The following LRP1 variants were observed in gnomAD, a reference collection of about 807,000 sequenced individuals.
LRP1 encodes the protein prolow-density lipoprotein receptor-related protein 1.
A neutral mutation model predicts 541.5 loss-of-function variants in LRP1; 51 were observed. The ratio of observed to expected loss-of-function variants is 0.09; its 90% CI spans 0.08 to 0.12. LRP1 has a LOEUF of 0.12. Among genes scored for constraint, LRP1 ranks in the 10% least tolerant of loss-of-function variants. LRP1 has a pLI of 1.00. For synonymous variants in LRP1, 2,219 were observed against 2,470.8 expected, an observed-to-expected ratio of 0.90 and a Z score of 3.02; for missense variants, 3,878 against 6,376.2, an observed-to-expected ratio of 0.61 and a Z score of 13.34.
rs559062266 is a variant in LRP1, at chr12:57,149,341, CA to C, written c.841+3852del. On this transcript the variant is annotated intron_variant, in intron 6 of 88. Transcript: ENST00000243077. ...TGTTCTGAGTTTCCTAATCATTTAA[CA>C]GCTCACTCTTGCTCCTCCTCTCTCC... The C allele has an allele frequency of 7.6e-4, 348 of 455,884 alleles. 2 individuals are homozygous for C. The highest frequency in any genetic ancestry group is 6.2e-3 in the Middle Eastern group (11 of 1,776). 28.2% of individuals were successfully genotyped at this position (455,884 alleles called of 1,614,324 possible). A position where few individuals can be genotyped will look rare whatever the true frequency, so the allele number is the denominator to read the frequency against.
intron 41 of LRP1, 132 bp downstream of exon 41, chr12:57,186,040 C>CGGGGGTGCAGTTGG: frequency 1.9e-6 from 2 of 1,055,348 alleles, no homozygotes; most frequent in Non-Finnish European, 2.7e-6. Flanking sequence ...AATCCAACTG[C>CGGGGGTGCAGTTGG]ACCCCCGCAG....
chr12:57,202,396 C>T (rs948414881), intron 67 of LRP1, 25 bp from the exon 68 acceptor site: 8 of 1,557,050 alleles, frequency 5.1e-6, no homozygotes, highest in East Asian at 2.2e-5. Context: ...CTTTCCCTGA[C>T]TGCCCTGACA....
intron 20 of LRP1, among the ~76,000 whole-genome samples, chr12:57,172,857 A>G (rs1205500120): frequency 2.6e-5 from 4 of 152,202 alleles, no homozygotes; most frequent in Non-Finnish European, 4.4e-5. Context: ...TGTGGCATGA[A>G]TGAATGAAAT....
At chr12:57,166,324 G>A in intron 17 of LRP1, 115 bp downstream of exon 17, 1 of 1,362,228 alleles carries the variant, frequency 7.3e-7, no homozygotes, top group Non-Finnish European at 9.8e-7. Context: ...GGAGGCCAAG[G>A]TGAGAGGATC....
chr12:57,203,114 TG>T, intron 68 of LRP1, 66 bp from the exon 69 acceptor site: 1 of 1,157,892 alleles, frequency 8.6e-7, no homozygotes, highest in Non-Finnish European at 1.2e-6. Context: ...CTCGGGACTG[TG>T]GCACTACTGA....
intron 42 of LRP1, among the ~76,000 whole-genome samples, 175 bp from the exon 43 acceptor site, chr12:57,190,630 G>C (rs1347265131): frequency 6.6e-6 from 1 of 152,266 alleles, no homozygotes; most frequent in Non-Finnish European, 1.5e-5. Flanking sequence ...TGTGTGAACT[G>C]TCTGTGCAAT....
At chr12:57,203,556 C>G in intron 70 of LRP1, 35 bp downstream of exon 70, 1 of 1,473,970 alleles carries the variant, frequency 6.8e-7, no homozygotes, top group Non-Finnish European at 9.0e-7. Context: ...TGGGTCCTCC[C>G]TCTGCTGCCC....
chr12:57,179,945 C>T lies in LRP1; in HGVS notation c.5130C>T (p.His1710=), dbSNP rs34794899. ...GLEQPHGLVV[H]PLRGKLYWTD... ...AGCAGCCCCATGGCCTTGTCGTCCA[C>T]CCTCTGCGTGGGTCAGTCTAGGGCC... The change falls in exon 30 of 89, where the codon CAC becomes CAT. Residue 1710 remains histidine (H), a synonymous_variant. Coordinates refer to ENST00000243077, the MANE Select transcript of LRP1 (RefSeq NM_002332.3). This position sits in a 1 kb window ranked among gnomAD's most constrained non-coding sequence, Gnocchi z 6.8. 357 of 1,614,078 alleles carry T rather than the reference C, an allele frequency of 2.2e-4. No homozygotes were observed. The African/African-American group carries it at 4.2e-3, about 19-fold the overall frequency.
intron 19 of LRP1, among the ~76,000 whole-genome samples, chr12:57,168,410 C>A (rs1485689979): frequency 6.6e-6 from 1 of 152,038 alleles, no homozygotes; most frequent in Non-Finnish European, 1.5e-5. Context: ...GAAGCAGAGA[C>A]GGCAGAGGGA....
In LRP1 at chr12:57,162,996, TG is replaced by T; in HGVS notation, c.2530+15del. 6.3e-7 allele frequency: 1 copy of T among 1,593,210 alleles called. No homozygotes were observed. The stretch of plus-strand genomic sequence containing the variant: ...GTCACTTGCTTGGGTATGAGGTGCC[TG>T]GCTGGGTGGGAGTGGGAAGCAGACC... On this transcript the variant is annotated intron_variant, in intron 15 of 88. Coordinates refer to ENST00000243077, the MANE Select transcript of LRP1 (RefSeq NM_002332.3). This position sits in a 1 kb window ranked among gnomAD's most constrained non-coding sequence, Gnocchi z 5.2.
At position 57,162,850 on chromosome 12, in the gene LRP1, C is replaced by T. The variant is rs1230594457; in HGVS notation, c.2405-8C>T. On this transcript the variant is annotated splice_polypyrimidine_tract_variant and splice_region_variant and intron_variant, in intron 14 of 88. Transcript: ENST00000243077. This position sits in a 1 kb window ranked among gnomAD's most constrained non-coding sequence, Gnocchi z 5.2. ...CCCTTTGCCTTTCCCCATGGCCCTT[C>T]CCCACAGTTGGCACCAACAAATGCC... 1.9e-6 allele frequency: 3 copies of T among 1,605,408 alleles called. No homozygotes were observed. Among genetic ancestry groups the T allele is most frequent in the Non-Finnish European group, 1.7e-6 (2 of 1,176,380 alleles).
rs1198048538 is a variant in LRP1 at position 57,181,996 on chromosome 12, T to C, written c.5662+705T>C. ...CTCTGAGTTGAACAAAGTTTAAAAG[T>C]GTTTTGTGCTGCAGAACTTCTCAGA... On this transcript the variant is annotated intron_variant, in intron 34 of 88. Transcript: ENST00000243077. Among the ~76,000 whole-genome samples the C allele has an allele frequency of 2.6e-5, 4 of 152,162 alleles. No homozygotes were observed. In the East Asian group the frequency reaches 7.7e-4, roughly 29 times the overall value.
At position 57,190,932 on chromosome 12, in the gene LRP1, C is replaced by G; in HGVS notation, c.7159C>G (p.Arg2387Gly). ...RTPNGLAIDHRAEKLYFSDAT... is the reference protein window; with the variant it reads ...RTPNGLAIDHGAEKLYFSDAT... ...CCCCAATGGCCTGGCCATCGACCACCGTGCCGAGAAGCTCTACTTCTCTGA... is the reference window on the plus strand; with the variant it reads ...CCCCAATGGCCTGGCCATCGACCACGGTGCCGAGAAGCTCTACTTCTCTGA... Residue 2387 changes from arginine (R) to glycine (G), a missense_variant, in exon 43 of 89, where the codon CGT becomes GGT. Transcript: ENST00000243077. 6.2e-7 allele frequency: 1 copy of G among 1,613,408 alleles called. No individual in the cohort carries two copies. Among genetic ancestry groups the G allele is most frequent in the Non-Finnish European group, 8.5e-7 (1 of 1,179,994 alleles).
rs758338596 is a variant in LRP1 at position 57,175,480 on chromosome 12, G to A, written c.3568G>A (p.Gly1190Ser). ...ELCDQCSLNNGGCSHNCSVAP... is the reference protein window; with the variant it reads ...ELCDQCSLNNSGCSHNCSVAP... Reference sequence around the variant, plus strand: ...CCTAGACCAGTGCTCTCTGAATAACGGTGGCTGCAGCCACAACTGCTCAGT... The same window carrying A: ...CCTAGACCAGTGCTCTCTGAATAACAGTGGCTGCAGCCACAACTGCTCAGT... Residue 1190 changes from glycine (G) to serine (S), a missense_variant, in exon 23 of 89, where the codon GGT (glycine) becomes AGT (serine). Coordinates refer to ENST00000243077, the MANE Select transcript of LRP1 (RefSeq NM_002332.3). 1.2e-5 allele frequency: 19 copies of A among 1,613,416 alleles called. No individual in the cohort carries two copies. The highest frequency in any genetic ancestry group is 1.6e-4 in the Middle Eastern group (1 of 6,084).
intron 20 of LRP1, among the ~76,000 whole-genome samples, chr12:57,172,310 C>T (rs1167359464): frequency 6.6e-6 from 1 of 152,174 alleles, no homozygotes; most frequent in East Asian, 1.9e-4. Context: ...GCTGGGACTA[C>T]AGGTGCCTGC....
intron 83 of LRP1, 121 bp downstream of exon 83, chr12:57,211,000 A>G: frequency 1.4e-6 from 2 of 1,433,822 alleles, no homozygotes; most frequent in Non-Finnish European, 1.9e-6. Flanking sequence ...AGAAGGCCTT[A>G]TGCAGCTGAG....
Position 57,210,060 on chromosome 12 carries a change from G to A in LRP1, c.12471G>A (p.Glu4157=). ...ACCCATGTGACCGCAAGAAATGCGA[G>A]TGGCTCTGCCTGCTGAGCCCCAGTG... is the stretch of plus-strand genomic sequence containing the variant. ...VTNPCDRKKC[E]WLCLLSPSGP... Residue 4157 remains glutamate, a synonymous_variant, in exon 81 of 89, where the codon GAG becomes GAA. Transcript: ENST00000243077. 2 of 1,612,838 alleles carry A rather than the reference G, an allele frequency of 1.2e-6. No individual in the cohort carries two copies. The highest frequency in any genetic ancestry group is 1.1e-5 in the South Asian group (1 of 90,912).
chr12:57,192,787 G>A (rs2036441666), intron 44 of LRP1, 58 bp from the exon 45 acceptor site: 4 of 1,607,166 alleles, frequency 2.5e-6, no homozygotes, highest in Non-Finnish European at 1.7e-6. Flanking sequence ...GGTGCACTCT[G>A]GGTGCATGCA....
chr12:57,203,683 C>G (rs200251804), intron 70 of LRP1, 162 bp downstream of exon 70: 1 of 946,712 alleles, frequency 1.1e-6, no homozygotes. Context: ...GTGTTAGGGA[C>G]GTAGTAGTAA....
Sources: gnomAD v4.1 joint callset for allele counts (sites outside exome capture counted in the v4.1 genomes callset) on GRCh38, gnomAD v4.1.1 for gene constraint, Gnocchi (gnomAD v3.1) non-coding constraint, MANE v1.5 for transcripts, NCBI Gene and HGNC (gene_info 2026-07-23, HGNC 2026-07-21) for gene names.